Variants in GTF2I observed in about 807,000 individuals in gnomAD.
GTF2I encodes general transcription factor II-I.
A neutral mutation model predicts 67.6 loss-of-function variants in GTF2I; 12 were observed. The ratio of observed to expected loss-of-function variants is 0.18; its 90% confidence interval spans 0.11 to 0.29. The LOEUF (loss-of-function observed/expected upper bound fraction) is 0.29. Among genes scored for constraint, GTF2I ranks in the 10% least tolerant of loss-of-function variants. The probability of loss-of-function intolerance (pLI) is 1.00; values close to 1 mark genes in which losing one functional copy is unlikely to be tolerated. For synonymous variants in GTF2I, 149 were observed against 197.0 expected (o/e 0.76, Z 2.04); for missense variants, 271 against 580.1 (o/e 0.47, Z 5.47).
At chr7:74,677,713 C>T (rs1039168980) in intron 1 of GTF2I, among the ~76,000 whole-genome samples, 4 of 140,922 alleles carry the variant, frequency 2.8e-5, no homozygotes, top group East Asian at 4.3e-4. Flanking sequence ...ACCCAGGAGG[C>T]GGAGGTTGCA....
chr7:74,686,795 C>T (rs781942370), intron 1 of GTF2I, among the ~76,000 whole-genome samples: 35 of 152,186 alleles, frequency 2.3e-4, no homozygotes, highest in African/African-American at 8.2e-4. Context: ...TTGATACGGC[C>T]TTTACTTCCG....
chr7:74,687,110 C>A (rs192343215), intron 1 of GTF2I, among the ~76,000 whole-genome samples: 1 of 151,958 alleles, frequency 6.6e-6, no homozygotes, highest in Non-Finnish European at 1.5e-5. Flanking sequence ...AGGATGGTCT[C>A]GAACTCCTGG....
intron 10 of GTF2I, among the ~76,000 whole-genome samples, chr7:74,716,040 C>T (rs1299029717): frequency 6.6e-6 from 1 of 151,968 alleles, no homozygotes; most frequent in Non-Finnish European, 1.5e-5. Flanking sequence ...TCCCCTCAAG[C>T]GATGTATTCT....
rs1363649623 is a variant in GTF2I, at chr7:74,720,928, C to T, written c.943+1987C>T. ...GTATAAGACTTTTAAAGAAAGGTTA[C>T]GAAAATCCAGAAATAAATGGCTCAT... On this transcript the variant is annotated intron_variant, in intron 12 of 34. Transcript: ENST00000573035. 2.6e-5 allele frequency among the ~76,000 whole-genome samples: 4 copies of T among 152,028 alleles called. No homozygotes were observed. In the East Asian group the frequency reaches 5.8e-4, roughly 22 times the overall value.
chr7:74,697,827 G>A (rs1789098952), intron 3 of GTF2I, among the ~76,000 whole-genome samples: 3 of 151,996 alleles, frequency 2.0e-5, no homozygotes. Context: ...GGAGTGCAGT[G>A]GTGCAATCTT....
In GTF2I at chr7:74,732,588, G is replaced by A. The variant is rs781957319; in HGVS notation, c.1230G>A (p.Arg410=). The part of the protein sequence containing the change: ...EGLPEGIPFR[R]PSTYGIPRLE... Reference sequence around the variant, plus strand: ...TTCCTGAAGGAATTCCTTTTAGAAGGCCATCTACTTACGGAATTCCTCGCC... The same window carrying A: ...TTCCTGAAGGAATTCCTTTTAGAAGACCATCTACTTACGGAATTCCTCGCC... Residue 410 remains arginine (R), a synonymous_variant, in exon 15 of 35, where the codon AGG becomes AGA. Transcript: ENST00000573035. The A allele has an allele frequency of 6.9e-6, 11 of 1,594,502 alleles. No individual in the cohort carries two copies. In the African/African-American group the frequency reaches 1.4e-4, roughly 20 times the overall value.
At position 74,723,428 on chromosome 7, in the gene GTF2I, C is replaced by CTTT. The variant is rs58149301; in HGVS notation, c.943+4505_943+4507dup. ...AGGCATAAGCCACCGCTCCCGGCCT[C>CTTT]TTTTTTTTTTTTTTTTTTTTAAGAC... is the stretch of plus-strand genomic sequence containing the variant. On this transcript the variant is annotated intron_variant, in intron 12 of 34. Coordinates refer to ENST00000573035, the MANE Select transcript of GTF2I (RefSeq NM_032999.4). Among the ~76,000 whole-genome samples, 9 of 61,090 alleles carry CTTT rather than the reference C, an allele frequency of 1.5e-4. 2 individuals are homozygous for CTTT. The highest frequency in any genetic ancestry group is 4.1e-4 in the African/African-American group (5 of 12,112). The allele number at this position is 61,090 out of a possible 152,430, so 40.1% of individuals were successfully genotyped here.
At chr7:74,658,689 CCCGCT>C (rs1554384899) in intron 1 of GTF2I, among the ~76,000 whole-genome samples, 2 of 151,016 alleles carry the variant, frequency 1.3e-5, no homozygotes, top group African/African-American at 2.4e-5. Flanking sequence ...CCCGCCCCGC[CCCGCT>C]CCCAGGTGGA....
chr7:74,689,348 CTTTT>C (rs1162860651), intron 2 of GTF2I, 121 bp downstream of exon 2: 757 of 144,548 alleles, frequency 5.2e-3, no homozygotes, highest in South Asian at 8.8e-3. Flanking sequence ...TTTTTCTTTA[CTTTT>C]TTTTTTTTTT....
chr7:74,676,881 C>A (rs1483153152), intron 1 of GTF2I, among the ~76,000 whole-genome samples: 1 of 152,008 alleles, frequency 6.6e-6, no homozygotes, highest in Non-Finnish European at 1.5e-5. Flanking sequence ...CATGGGGAAA[C>A]CCTGTCTCTA....
intron 2 of GTF2I, among the ~76,000 whole-genome samples, chr7:74,689,569 C>T (rs1003993301): frequency 7.3e-5 from 11 of 151,030 alleles, no homozygotes; most frequent in African/African-American, 2.2e-4. Flanking sequence ...TTGGCCAGGC[C>T]GGTCTCGAAC....
intron 1 of GTF2I, among the ~76,000 whole-genome samples, chr7:74,662,511 CTTTTTTT>C (rs1161320476): frequency 0.067 from 3,364 of 49,972 alleles, 234 homozygotes; most frequent in African/African-American, 0.27. Flanking sequence ...CACCTGGACC[CTTTTTTT>C]TTTTTTTTTT....
At position 74,700,335 on chromosome 7, in the gene GTF2I, G is replaced by A. The variant is rs368452418; in HGVS notation, c.462G>A (p.Pro154=). The change falls in exon 5 of 35, where the codon CCG becomes CCA. Residue 154 remains proline (P), a synonymous_variant. Transcript: ENST00000573035. ...CGGCTGTGGTAGTGCAGGGGCTTCC[G>A]GAAGGTGTTGCCTTTAAACACCCCG... ...DQSAVVVQGL[P]EGVAFKHPEN... The A allele has an allele frequency of 1.5e-5, 24 of 1,614,082 alleles. No homozygotes were observed. Among genetic ancestry groups the A allele is most frequent in the Non-Finnish European group, 1.9e-5 (22 of 1,180,020 alleles).
intron 8 of GTF2I, among the ~76,000 whole-genome samples, chr7:74,706,750 A>G (rs1790760655): frequency 6.6e-6 from 1 of 152,320 alleles, no homozygotes; most frequent in South Asian, 2.1e-4. Context: ...AAATCAATAG[A>G]ATGCCCCCTT....
At position 74,691,026 on chromosome 7, in the gene GTF2I, A is replaced by T; in HGVS notation, c.153A>T (p.Glu51Asp). Residue 51 changes from glutamate to aspartate, a missense_variant, in exon 3 of 35, where the codon GAA becomes GAT. By Grantham distance (45) the Glu-to-Asp change is conservative. Around this residue, in one of 9 missense-constraint regions of GTF2I, gnomAD observed 72 missense variants for 87.4 expected, o/e 0.82. Coordinates refer to ENST00000573035, the MANE Select transcript of GTF2I (RefSeq NM_032999.4). ...AAGTGGCCTGCATTGCAGTGTATGA[A>T]ACAGACGTGTTTGTCGTCGGAACTG... ...KAEVACIAVY[E>D]TDVFVVGTER... 6.2e-7 allele frequency: 1 copy of T among 1,613,526 alleles called. No homozygotes were observed. Among genetic ancestry groups the T allele is most frequent in the Non-Finnish European group, 8.5e-7 (1 of 1,179,540 alleles).
rs1347415656 is a variant in GTF2I, at chr7:74,666,505, C to T, written c.-6+8437C>T. The stretch of plus-strand genomic sequence containing the variant: ...ATTAGTGTTACTCCTTCCTCCTGTT[C>T]GTTTTCTTTCTTCGTTTTCCCCCCC... On this transcript the variant is annotated intron_variant, in intron 1 of 34. Coordinates refer to ENST00000573035, the MANE Select transcript of GTF2I (RefSeq NM_032999.4). Among the ~76,000 whole-genome samples the T allele has an allele frequency of 5.0e-5, 7 of 141,054 alleles. No individual in the cohort carries two copies. The East Asian group carries it at 6.5e-4, about 13-fold the overall frequency. The allele number at this position is 141,054 out of a possible 152,430, so 92.5% of individuals were successfully genotyped here. A position where few individuals can be genotyped will look rare whatever the true frequency, so the allele number is the denominator to read the frequency against.
chr7:74,721,025 A>G (rs1384668833), intron 12 of GTF2I, among the ~76,000 whole-genome samples: 3 of 151,534 alleles, frequency 2.0e-5, no homozygotes, highest in Non-Finnish European at 4.4e-5. Context: ...TTTTCTTTTC[A>G]TTTATTTGTT....
intron 8 of GTF2I, among the ~76,000 whole-genome samples, chr7:74,709,916 G>A (rs1383095328): frequency 2.6e-5 from 4 of 151,548 alleles, no homozygotes; most frequent in Non-Finnish European, 5.9e-5. Flanking sequence ...CAGGTGATTC[G>A]CCCGCCTGGA....
chr7:74,705,656 G>A (rs587602232), intron 7 of GTF2I, among the ~76,000 whole-genome samples: 1 of 151,892 alleles, frequency 6.6e-6, no homozygotes, highest in East Asian at 1.9e-4. Flanking sequence ...CCCCCTGCTG[G>A]GTTCAAGCGA....
Sources: gnomAD v4.1 joint callset for allele counts (sites outside exome capture counted in the v4.1 genomes callset) on GRCh38, gnomAD v4.1.1 for gene constraint, gnomAD v4.1.1 regional missense constraint, MANE v1.5 for transcripts, NCBI Gene and HGNC (gene_info 2026-07-23, HGNC 2026-07-21) for gene names.